Variants in ZNF276 observed in about 807,000 individuals in gnomAD.
ZNF276 encodes centromere protein Z.
Under a neutral mutation model 63.9 loss-of-function variants are expected in ZNF276, and 59 were observed. The observed-to-expected ratio is 0.92, with a 90% confidence interval of 0.75 to 1.15. The LOEUF (loss-of-function observed/expected upper bound fraction) is 1.15. Ranked by LOEUF, ZNF276 falls within the 50% of genes most tolerant of loss-of-function variation. ZNF276 has a pLI of 0.00. For synonymous variants in ZNF276, 496 were observed against 348.4 expected (o/e 1.42, Z -4.72); for missense variants, 1,084 against 843.8 (o/e 1.28, Z -3.53).
rs1364889782 is a variant in ZNF276 at position 89,733,291 on chromosome 16, C to A, written c.1170-11C>A. 1.2e-6 allele frequency: 2 copies of A among 1,609,648 alleles called. No homozygotes were observed. Among genetic ancestry groups the A allele is most frequent in the African/African-American group, 2.7e-5 (2 of 74,388 alleles). ...CAGAAACCATTGAATTTGGGAACCT[C>A]TTTTTTTCAGAGTCTCTGGTAAGAA... On this transcript the variant is annotated splice_polypyrimidine_tract_variant and intron_variant, in intron 6 of 10. Transcript: ENST00000443381.
chr16:89,721,498 C>G, upstream of ZNF276: 1 of 845,342 alleles, frequency 1.2e-6, no homozygotes, highest in South Asian at 2.2e-5. Flanking sequence ...CTGGCCCGCC[C>G]CGCCCGCCTC....
intron 1 of ZNF276, among the ~76,000 whole-genome samples, chr16:89,722,227 G>A (rs2061314080): frequency 6.6e-6 from 1 of 152,236 alleles, no homozygotes; most frequent in African/African-American, 2.4e-5. Flanking sequence ...TTCCTGGAGG[G>A]CGCAGCGCCT....
rs749128867 is a variant in ZNF276, at chr16:89,738,075, G to T, written c.1674G>T (p.Gln558His). 11 of 1,614,006 alleles carry T rather than the reference G, an allele frequency of 6.8e-6. No individual in the cohort carries two copies. The highest frequency in any genetic ancestry group is 9.3e-6 in the Non-Finnish European group (11 of 1,180,048). ...AETELDFACDQCGRRFEKAHN... is the reference protein window; with the variant it reads ...AETELDFACDHCGRRFEKAHN... ...CTGAGCTGGACTTTGCCTGTGACCAGTGTGGCCGGCGGTTTGAGAAGGCCC... is the reference window on the plus strand; with the variant it reads ...CTGAGCTGGACTTTGCCTGTGACCATTGTGGCCGGCGGTTTGAGAAGGCCC... The change falls in exon 11 of 11, where the codon CAG (glutamine) becomes CAT (histidine). Residue 558 changes from glutamine (Q) to histidine (H), a missense_variant. Physicochemically the swap from Gln to His is conservative, Grantham distance 24. Transcript: ENST00000443381.
chr16:89,723,630 G>A lies in ZNF276; in HGVS notation c.927G>A (p.Gln309=), dbSNP rs1182413379. 9.9e-6 allele frequency: 16 copies of A among 1,612,616 alleles called. No homozygotes were observed. Among genetic ancestry groups the A allele is most frequent in the Non-Finnish European group, 1.4e-5 (16 of 1,180,024 alleles). The change falls in exon 4 of 11, where the codon CAG becomes CAA. Residue 309 remains glutamine (Q), a synonymous_variant. Transcript: ENST00000443381. ...CCCTGCCCAGCACGGATGTGGCCCA[G>A]CCTCCTTCGGACAGCGACGCGGTGG... ...TKTLPSTDVA[Q]PPSDSDAVGP... is the part of the protein sequence containing the mutation.
intron 6 of ZNF276, among the ~76,000 whole-genome samples, chr16:89,729,827 G>A (rs2061588401): frequency 1.3e-5 from 2 of 152,158 alleles, no homozygotes; most frequent in Admixed American, 1.3e-4. Flanking sequence ...ACTTCTGTGA[G>A]CTTGTTTTGA....
intron 6 of ZNF276, among the ~76,000 whole-genome samples, chr16:89,730,910 A>C (rs2061625618): frequency 6.6e-6 from 1 of 152,212 alleles, no homozygotes; most frequent in Non-Finnish European, 1.5e-5. Context: ...TGATGTGTTA[A>C]TGAGGGGTCA....
At chr16:89,721,105 G>C (rs547938876), upstream of ZNF276, 1 of 323,778 alleles carries the variant, frequency 3.1e-6, no homozygotes. Context: ...GTCTTGAGAC[G>C]GGGCTGGCGA....
intron 4 of ZNF276, among the ~76,000 whole-genome samples, chr16:89,725,756 G>C (rs111746983): frequency 0.016 from 2,450 of 152,096 alleles, 30 homozygotes; most frequent in South Asian, 0.082. Context: ...CTACCACTAC[G>C]CTCTGGCCTG....
upstream of ZNF276, chr16:89,720,701 C>T: frequency 1.5e-6 from 2 of 1,329,756 alleles, no homozygotes; most frequent in South Asian, 1.9e-5. Context: ...TCGCCCTCCC[C>T]GGGCGGGGGT....
At chr16:89,720,562 G>A (rs770976288), upstream of ZNF276, 3 of 1,183,356 alleles carry the variant, frequency 2.5e-6, no homozygotes, top group South Asian at 4.1e-5. Flanking sequence ...GCCAAGGTCC[G>A]CAGGATCTGA....
intron 4 of ZNF276, 117 bp downstream of exon 4, chr16:89,723,826 G>C (rs1335979920): frequency 8.7e-6 from 10 of 1,154,336 alleles, no homozygotes; most frequent in Non-Finnish European, 1.1e-5. Context: ...TGTGGTGTGA[G>C]AAGGAGCAGA....
chr16:89,737,594 T>G, intron 9 of ZNF276: 1 of 828,006 alleles, frequency 1.2e-6, no homozygotes, highest in South Asian at 2.1e-5. Context: ...CATCCTGAAA[T>G]GCACACAGCT....
At chr16:89,737,754 C>A in intron 9 of ZNF276, 52 bp from the exon 10 acceptor site, 1 of 1,610,592 alleles carries the variant, frequency 6.2e-7, no homozygotes, top group South Asian at 1.1e-5. Flanking sequence ...CGTCGTCCCC[C>A]CGGGAGGTTG....
At position 89,723,295 on chromosome 16, in the gene ZNF276, G is replaced by A. The variant is rs543320324; in HGVS notation, c.592G>A (p.Gly198Ser). Reference protein sequence around the residue: ...LITSSPQCLHGLVGWVHGHAA... With the variant: ...LITSSPQCLHSLVGWVHGHAA... ...CACATCCAGCCCCCAGTGCCTGCAC[G>A]GCTTGGTGGGGTGGGTGCATGGACA... The change falls in exon 4 of 11, where the codon GGC becomes AGC. Residue 198 changes from glycine to serine, a missense_variant. By Grantham distance (56) the Gly-to-Ser change is moderately conservative. Transcript: ENST00000443381. 7.7e-5 allele frequency: 124 copies of A among 1,613,028 alleles called. 2 individuals are homozygous for A. The highest frequency in any genetic ancestry group is 6.3e-4 in the South Asian group (57 of 91,078).
rs1027005661 is a variant in ZNF276, at chr16:89,721,630, C to G, written c.-11C>G. 8.1e-6 allele frequency: 12 copies of G among 1,472,824 alleles called. No homozygotes were observed. The highest frequency in any genetic ancestry group is 1.5e-5 in the African/African-American group (1 of 68,262). The allele number at this position is 1,472,824 out of a possible 1,614,324, so 91.2% of individuals were successfully genotyped here. A position where few individuals can be genotyped will look rare whatever the true frequency, so the allele number is the denominator to read the frequency against. On this transcript the variant is annotated 5_prime_UTR_variant, in exon 1 of 11. Transcript: ENST00000443381. Reference sequence around the variant, plus strand: ...AGCACCCGCGGGATTCTGCTGGCGTCCTCCGCTGCCATGAAGCGGGACCGG... The same window carrying G: ...AGCACCCGCGGGATTCTGCTGGCGTGCTCCGCTGCCATGAAGCGGGACCGG...
rs752213482 is a variant in ZNF276, at chr16:89,723,531, G to T, written c.828G>T (p.Gly276=). ...ETAPRLPQHR[G]WNPGDAPQTS... Reference sequence around the variant, plus strand: ...CGCCACGGCTGCCCCAGCACCGAGGGTGGAACCCTGGGGATGCCCCTCAGA... The same window carrying T: ...CGCCACGGCTGCCCCAGCACCGAGGTTGGAACCCTGGGGATGCCCCTCAGA... Residue 276 remains glycine, a synonymous_variant, in exon 4 of 11, where the codon GGG becomes GGT. Coordinates refer to ENST00000443381, the MANE Select transcript of ZNF276 (RefSeq NM_001113525.2). The T allele has an allele frequency of 1.2e-6, 2 of 1,612,840 alleles. No individual in the cohort carries two copies. The highest frequency in any genetic ancestry group is 2.2e-5 in the East Asian group (1 of 44,886).
At position 89,731,009 on chromosome 16, in the gene ZNF276, C is replaced by T. The variant is rs140992951; in HGVS notation, c.1169+1691C>T. ...CAGTGAGGCCTGAGCCCAGCCCACC[C>T]GGTCCGCAAAGATTCCCGTCCCAAA... On this transcript the variant is annotated intron_variant, in intron 6 of 10. Transcript: ENST00000443381. Among the ~76,000 whole-genome samples the T allele has an allele frequency of 1.1e-4, 17 of 152,364 alleles. No homozygotes were observed. The East Asian group carries it at 1.5e-3, about 14-fold the overall frequency.
At chr16:89,735,690 G>C (rs540823729) in intron 9 of ZNF276, among the ~76,000 whole-genome samples, 5 of 152,060 alleles carry the variant, frequency 3.3e-5, no homozygotes, top group Non-Finnish European at 7.4e-5. Context: ...GGGCAACATA[G>C]TGAGGCCGTC....
chr16:89,728,651 C>T (rs896436600), intron 5 of ZNF276, among the ~76,000 whole-genome samples: 1 of 152,162 alleles, frequency 6.6e-6, no homozygotes, highest in African/African-American at 2.4e-5. Context: ...ATCCGCCCGC[C>T]TCTGCCTCCC....
Sources: gnomAD v4.1 joint callset for allele counts (sites outside exome capture counted in the v4.1 genomes callset) on GRCh38, gnomAD v4.1.1 for gene constraint, MANE v1.5 for transcripts, NCBI Gene and HGNC (gene_info 2026-07-23, HGNC 2026-07-21) for gene names.